Variants in CELF2 observed in about 807,000 individuals in gnomAD.
CELF2 encodes the protein CUG triplet repeat RNA-binding protein 2.
Under a neutral mutation model 62.6 loss-of-function variants are expected in CELF2, and 8 were observed. The observed-to-expected ratio is 0.13, with a 90% CI of 0.07 to 0.23. CELF2 has a LOEUF of 0.23. Among genes scored for constraint, CELF2 ranks in the 10% least tolerant of loss-of-function variants. CELF2 has a pLI of 1.00. For synonymous variants in CELF2, 258 were observed against 250.0 expected, an observed-to-expected ratio of 1.03 and a Z score of -0.30; for missense variants, 333 against 671.0, an observed-to-expected ratio of 0.50 and a Z score of 5.56.
At chr10:10,556,367 AT>A in the CELF2 span, among the ~76,000 whole-genome samples, 1 of 152,034 alleles carries the variant, frequency 6.6e-6, no homozygotes, top group Non-Finnish European at 1.5e-5. Context: ...TGAACTCATC[AT>A]TTTTTATGGC....
intron 1 of CELF2, among the ~76,000 whole-genome samples, chr10:11,164,314 C>T (rs965158721): frequency 6.6e-6 from 1 of 152,056 alleles, no homozygotes; most frequent in African/African-American, 2.4e-5. Context: ...TATTCCTGCT[C>T]AAAGGAGGGT....
At chr10:10,873,348 TTAAAA>T (rs1398278168) in intron 1 of CELF2, among the ~76,000 whole-genome samples, 14 of 152,322 alleles carry the variant, frequency 9.2e-5, no homozygotes, top group East Asian at 5.8e-4. Context: ...GATGTTGAAC[TTAAAA>T]TAAATAAATA....
the CELF2 span, among the ~76,000 whole-genome samples, chr10:10,633,470 A>G: frequency 6.6e-6 from 1 of 152,028 alleles, no homozygotes; most frequent in South Asian, 2.1e-4. Context: ...GTTTGTATCC[A>G]TTGCTCATGT....
At chr10:11,026,429 A>G (rs1724289064) in intron 1 of CELF2, among the ~76,000 whole-genome samples, 2 of 152,234 alleles carry the variant, frequency 1.3e-5, no homozygotes, top group African/African-American at 4.8e-5. Flanking sequence ...GGGGGAAGAC[A>G]TTGGGTATCA....
chr10:10,785,678 C>G, the CELF2 span, among the ~76,000 whole-genome samples: 1 of 152,136 alleles, frequency 6.6e-6, no homozygotes, highest in Non-Finnish European at 1.5e-5. Context: ...AAAAAAATAT[C>G]TCTTAGAAGC....
At chr10:10,918,422 A>G (rs2064548912) in intron 1 of CELF2, among the ~76,000 whole-genome samples, 1 of 152,238 alleles carries the variant, frequency 6.6e-6, no homozygotes, top group Non-Finnish European at 1.5e-5. Context: ...ATAGCAATAA[A>G]AGCTGATTGT....
chr10:11,007,345 T>C (rs369022049), intron 1 of CELF2, among the ~76,000 whole-genome samples: 2 of 152,216 alleles, frequency 1.3e-5, no homozygotes, highest in African/African-American at 4.8e-5. Context: ...TTTTTAGAAT[T>C]TGGACGTGAA....
the CELF2 span, among the ~76,000 whole-genome samples, chr10:10,614,172 G>A: frequency 3.3e-5 from 5 of 151,452 alleles, no homozygotes; most frequent in Non-Finnish European, 7.4e-5. Flanking sequence ...ATCTAGATTA[G>A]CCAATCTAGA....
At chr10:11,089,878 G>A (rs894271464) in intron 1 of CELF2, among the ~76,000 whole-genome samples, 7 of 152,284 alleles carry the variant, frequency 4.6e-5, no homozygotes, top group Non-Finnish European at 7.4e-5. Flanking sequence ...TTGTAGCAAC[G>A]TGGATGAGTT....
the CELF2 span, among the ~76,000 whole-genome samples, chr10:10,673,068 G>A: frequency 3.3e-5 from 5 of 151,884 alleles, no homozygotes; most frequent in Admixed American, 6.6e-5. Flanking sequence ...AAATGGTATT[G>A]TGTTTCTAAT....
intron 3 of CELF2, among the ~76,000 whole-genome samples, chr10:11,228,339 CAAAT>C (rs1216322097): frequency 6.6e-6 from 1 of 152,112 alleles, no homozygotes; most frequent in Non-Finnish European, 1.5e-5. Flanking sequence ...ACATAAAAAA[CAAAT>C]AAGGTAGTAA....
chr10:11,065,156 TCTC>T (rs1284494896), intron 1 of CELF2, among the ~76,000 whole-genome samples: 3 of 152,194 alleles, frequency 2.0e-5, no homozygotes, highest in Non-Finnish European at 4.4e-5. Context: ...TTAAACAAGG[TCTC>T]CTCTTTGGAG....
At chr10:11,149,779 G>A (rs2062977710) in intron 1 of CELF2, among the ~76,000 whole-genome samples, 1 of 152,120 alleles carries the variant, frequency 6.6e-6, no homozygotes, top group African/African-American at 2.4e-5. Flanking sequence ...CAAGCTGATC[G>A]CTAAGTGTGT....
In CELF2 at chr10:11,242,061, G is replaced by A. The variant is rs1279129729; in HGVS notation, c.355-7092G>A. On this transcript the variant is annotated intron_variant, in intron 3 of 12. Coordinates refer to ENST00000633077, the MANE Select transcript of CELF2 (RefSeq NM_001326342.2). The surrounding 1 kb of genome is among the most constrained non-coding windows in gnomAD (Gnocchi z 4.8). ...CATAATATTTTCGTTTTCTCAGTTG[G>A]CACATAGCTCTTTCGTGAATTCACT... is the stretch of plus-strand genomic sequence containing the variant. Among the ~76,000 whole-genome samples, 1 of 152,074 alleles carries A rather than the reference G, an allele frequency of 6.6e-6. No individual in the cohort carries two copies. The highest frequency in any genetic ancestry group is 2.4e-5 in the African/African-American group (1 of 41,408).
rs115611868 is a variant in CELF2, at chr10:11,219,665, G to A, written c.354+2158G>A. On this transcript the variant is annotated intron_variant, in intron 3 of 12. Transcript: ENST00000633077. ...ACATCTTGCATTTATGTACAGCTTCGTCCAGTACACATTACCCTTAACAGC... is the reference window on the plus strand; with the variant it reads ...ACATCTTGCATTTATGTACAGCTTCATCCAGTACACATTACCCTTAACAGC... 1.4e-3 allele frequency among the ~76,000 whole-genome samples: 215 copies of A among 152,284 alleles called. 2 individuals carry two copies. Among genetic ancestry groups the A allele is most frequent in the African/African-American group, 4.1e-3 (171 of 41,554 alleles).
At chr10:10,624,413 A>G in the CELF2 span, among the ~76,000 whole-genome samples, 6 of 151,576 alleles carry the variant, frequency 4.0e-5, no homozygotes, top group African/African-American at 1.5e-4. Context: ...AAAAACAACA[A>G]CAAACATTGG....
chr10:10,785,024 G>GT, the CELF2 span, among the ~76,000 whole-genome samples: 1 of 152,136 alleles, frequency 6.6e-6, no homozygotes, highest in Non-Finnish European at 1.5e-5. Context: ...TAATTATATA[G>GT]TTTTACCTTT....
chr10:10,656,834 C>A, the CELF2 span, among the ~76,000 whole-genome samples: 1 of 143,506 alleles, frequency 7.0e-6, no homozygotes, highest in Non-Finnish European at 1.5e-5. Context: ...AACTAACCTG[C>A]AGAATGTGCA....
chr10:10,825,807 T>C (rs564287823), intron 1 of CELF2, among the ~76,000 whole-genome samples: 68 of 152,318 alleles, frequency 4.5e-4, no homozygotes, highest in African/African-American at 1.6e-3. Context: ...TTTCCTTATC[T>C]GCAAAATGAT....
Sources: gnomAD v4.1 joint callset for allele counts (sites outside exome capture counted in the v4.1 genomes callset) on GRCh38, gnomAD v4.1.1 for gene constraint, Gnocchi (gnomAD v3.1) non-coding constraint, MANE v1.5 for transcripts, NCBI Gene and HGNC (gene_info 2026-07-23, HGNC 2026-07-21) for gene names.